Variants in COL23A1 observed in about 807,000 individuals in gnomAD.
The protein encoded by COL23A1 is collagen type XXIII alpha 1 chain.
Under a neutral mutation model 99.3 loss-of-function variants are expected in COL23A1, and 97 were observed. The ratio of observed to expected loss-of-function variants is 0.98; its 90% CI spans 0.83 to 1.16. The LOEUF (loss-of-function observed/expected upper bound fraction) is 1.16. COL23A1 is among the 50% of genes most tolerant of loss of function. The probability of loss-of-function intolerance (pLI) is 0.00; values close to 1 mark genes in which losing one functional copy is unlikely to be tolerated. For missense variants in COL23A1, 762 were observed against 757.4 expected (o/e 1.01, Z -0.07); for synonymous variants, 320 against 308.2 (o/e 1.04, Z -0.40).
rs60609194 is a variant in COL23A1, at chr5:178,285,965, G to A, written c.441+2359C>T. The stretch of plus-strand genomic sequence containing the variant: ...GTCTGCCCCACCCTGTGGGTCTCAC[G>A]GAAGGAGTGGCCCAGGTGGTGGTGT... On this transcript the variant is annotated intron_variant, in intron 5 of 28. Transcript: ENST00000390654. 2.3e-4 allele frequency among the ~76,000 whole-genome samples: 35 copies of A among 152,350 alleles called. No homozygotes were observed. In the East Asian group the frequency reaches 5.8e-3, roughly 25 times the overall value.
chr5:178,568,140 T>C (rs1762924888), intron 1 of COL23A1, among the ~76,000 whole-genome samples: 1 of 152,226 alleles, frequency 6.6e-6, no homozygotes, highest in Admixed American at 6.5e-5. Flanking sequence ...TATTAGACTA[T>C]CCCAAATTGT....
chr5:178,475,731 G>A (rs1756993005), intron 2 of COL23A1, among the ~76,000 whole-genome samples: 1 of 152,184 alleles, frequency 6.6e-6, no homozygotes, highest in African/African-American at 2.4e-5. Context: ...TGTGCTCCTT[G>A]TTGGAGCTCA....
chr5:178,489,734 C>A (rs746468194), intron 2 of COL23A1, among the ~76,000 whole-genome samples: 3 of 152,306 alleles, frequency 2.0e-5, no homozygotes, highest in African/African-American at 7.2e-5. Flanking sequence ...GCTTCTTGCA[C>A]CTCACCACGG....
At chr5:178,376,762 G>A (rs894265714) in intron 2 of COL23A1, among the ~76,000 whole-genome samples, 1 of 152,302 alleles carries the variant, frequency 6.6e-6, no homozygotes, top group South Asian at 2.1e-4. Context: ...GAGACCCTCC[G>A]CCATCTGCAA....
intron 2 of COL23A1, among the ~76,000 whole-genome samples, chr5:178,501,922 C>A (rs890564883): frequency 3.3e-5 from 5 of 152,332 alleles, no homozygotes; most frequent in Admixed American, 3.3e-4. Flanking sequence ...CGGCACCCAC[C>A]CTTCCCCTAC....
intron 2 of COL23A1, among the ~76,000 whole-genome samples, chr5:178,420,076 C>T (rs577264954): frequency 6.6e-6 from 1 of 152,238 alleles, no homozygotes; most frequent in East Asian, 1.9e-4. Context: ...ATTTAACTTG[C>T]CTGAAGTTCT....
chr5:178,267,316 A>G lies in COL23A1; in HGVS notation c.513T>C (p.Phe171=). The change falls in exon 8 of 29, where the codon TTT becomes TTC. Residue 171 remains phenylalanine (F), a synonymous_variant. Transcript: ENST00000390654. ...PKGEKGAPGD[F]GPRGDQGQDG... The stretch of plus-strand genomic sequence containing the variant: ...CATGCCTGGTTCTTACCCGGGGGCC[A>G]AAGTCTCCTGGTGCACCCTGGGAAC... 1.2e-6 allele frequency: 2 copies of G among 1,614,098 alleles called. No individual in the cohort carries two copies. The highest frequency in any genetic ancestry group is 2.2e-5 in the South Asian group (2 of 91,050).
chr5:178,583,420 T>C (rs77561555), intron 1 of COL23A1, among the ~76,000 whole-genome samples: 22 of 152,314 alleles, frequency 1.4e-4, no homozygotes, highest in African/African-American at 5.1e-4. Flanking sequence ...CCACTCCAAA[T>C]TGTCCTTTGG....
Position 178,387,248 on chromosome 5 carries a change from T to C in COL23A1, c.362-80329A>G, listed in dbSNP as rs1164746520. Among the ~76,000 whole-genome samples the C allele has an allele frequency of 6.6e-6, 1 of 152,110 alleles. No homozygotes were observed. Among genetic ancestry groups the C allele is most frequent in the Non-Finnish European group, 1.5e-5 (1 of 68,024 alleles). Reference sequence around the variant, plus strand: ...CCTCACCGAGGAAAGCCACGTTCTGTAGCCTGGTGATCACCCCTTATGCCT... The same window carrying C: ...CCTCACCGAGGAAAGCCACGTTCTGCAGCCTGGTGATCACCCCTTATGCCT... On this transcript the variant is annotated intron_variant, in intron 2 of 28. Transcript: ENST00000390654. The surrounding 1 kb of genome is among the most constrained non-coding windows in gnomAD (Gnocchi z 4.7).
chr5:178,297,432 C>T (rs771502410), intron 3 of COL23A1, among the ~76,000 whole-genome samples: 2 of 152,184 alleles, frequency 1.3e-5, no homozygotes, highest in Admixed American at 6.5e-5. Flanking sequence ...GCAGAAGAAT[C>T]GCTTGAACCT....
At chr5:178,422,563 G>A (rs925443329) in intron 2 of COL23A1, among the ~76,000 whole-genome samples, 1 of 152,086 alleles carries the variant, frequency 6.6e-6, no homozygotes, top group East Asian at 1.9e-4. Context: ...CTGTCTGCAC[G>A]TCCCTGAGCC....
intron 2 of COL23A1, among the ~76,000 whole-genome samples, chr5:178,380,653 G>A (rs1239224668): frequency 2.0e-5 from 3 of 152,186 alleles, no homozygotes; most frequent in African/African-American, 7.2e-5. Context: ...TGGCATTTGA[G>A]CCAATGAAGG....
At chr5:178,533,696 A>G (rs914515386) in intron 2 of COL23A1, among the ~76,000 whole-genome samples, 3 of 151,956 alleles carry the variant, frequency 2.0e-5, no homozygotes, top group African/African-American at 7.3e-5. Context: ...ATGGGGTTTC[A>G]CCATATTGGA....
chr5:178,365,271 G>A lies in COL23A1; in HGVS notation c.362-58352C>T, dbSNP rs1762408607. On this transcript the variant is annotated intron_variant, in intron 2 of 28. Transcript: ENST00000390654. This position sits in a 1 kb window ranked among gnomAD's most constrained non-coding sequence, Gnocchi z 5.2. ...AAACCCTGCTCAGGCAGATGGTGTG[G>A]GAGAGCGAGGTTGTGCTTTGATGCA... 6.6e-6 allele frequency among the ~76,000 whole-genome samples: 1 copy of A among 152,026 alleles called. No homozygotes were observed. Among genetic ancestry groups the A allele is most frequent in the African/African-American group, 2.4e-5 (1 of 41,390 alleles).
chr5:178,256,243 T>C lies in COL23A1; in HGVS notation c.882+110A>G, dbSNP rs998447654. The C allele has an allele frequency of 4.4e-6, 3 of 676,814 alleles. No individual in the cohort carries two copies. In the Admixed American group the frequency reaches 1.1e-4, roughly 25 times the overall value. 41.9% of individuals were successfully genotyped at this position (676,814 alleles called of 1,614,324 possible). A position where few individuals can be genotyped will look rare whatever the true frequency, so the allele number is the denominator to read the frequency against. ...AGTTTAAAAAGTAAAATACTCCCAG[T>C]TCCTGTAGCTCCACTGCTCCTCTGG... On this transcript the variant is annotated intron_variant, in intron 15 of 28. Coordinates refer to ENST00000390654, the MANE Select transcript of COL23A1 (RefSeq NM_173465.4).
In COL23A1 at chr5:178,590,145, G is replaced by C; in HGVS notation, c.53C>G (p.Ala18Gly). The C allele has an allele frequency of 8.1e-7, 1 of 1,237,220 alleles. No homozygotes were observed. The highest frequency in any genetic ancestry group is 3.4e-5 in the East Asian group (1 of 29,214). 76.6% of individuals were successfully genotyped at this position (1,237,220 alleles called of 1,614,324 possible). A position where few individuals can be genotyped will look rare whatever the true frequency, so the allele number is the denominator to read the frequency against. ...GCGCCCTCCGCCGCCGCCGCCCGCCGCATTGCCCTTCCCCGCGTCGCCGCC... is the reference window on the plus strand; with the variant it reads ...GCGCCCTCCGCCGCCGCCGCCCGCCCCATTGCCCTTCCCCGCGTCGCCGCC... ...GGGGDAGKGN[A>G]AGGGGGGRSA... Residue 18 changes from alanine (A) to glycine (G), a missense_variant, in exon 1 of 29, where the codon GCG becomes GGG. Ala to Gly is a moderately conservative substitution (Grantham distance 60, BLOSUM62 0). Transcript: ENST00000390654. This position sits in a 1 kb window ranked among gnomAD's most constrained non-coding sequence, Gnocchi z 5.7.
intron 12 of COL23A1, among the ~76,000 whole-genome samples, chr5:178,259,058 A>C (rs1458802428): frequency 1.3e-5 from 2 of 151,858 alleles, no homozygotes; most frequent in African/African-American, 4.8e-5. Flanking sequence ...CTGGGATTAT[A>C]GGTGCCTGTG....
intron 2 of COL23A1, among the ~76,000 whole-genome samples, chr5:178,483,437 C>G (rs985949079): frequency 6.6e-6 from 1 of 152,216 alleles, no homozygotes; most frequent in Non-Finnish European, 1.5e-5. Context: ...CCTCAAGACA[C>G]AGCATTTCTA....
At chr5:178,518,448 G>A (rs1466939918) in intron 2 of COL23A1, among the ~76,000 whole-genome samples, 4 of 150,194 alleles carry the variant, frequency 2.7e-5, no homozygotes, top group Non-Finnish European at 5.9e-5. Flanking sequence ...GGGCAGAGGG[G>A]CTCCTCACTT....
Sources: gnomAD v4.1 joint callset for allele counts (sites outside exome capture counted in the v4.1 genomes callset) on GRCh38, gnomAD v4.1.1 for gene constraint, Gnocchi (gnomAD v3.1) non-coding constraint, MANE v1.5 for transcripts, NCBI Gene and HGNC (gene_info 2026-07-23, HGNC 2026-07-21) for gene names.